The following SYT16 variants were observed in gnomAD, a reference collection of about 807,000 sequenced individuals.
SYT16 encodes synaptotagmin-16.
SYT16 carries 42 observed loss-of-function variants against 61.4 expected under a neutral mutation model. The observed-to-expected ratio is 0.68, with a 90% CI of 0.53 to 0.89. The LOEUF is 0.89. Among genes scored for constraint, SYT16 ranks in the 40% least tolerant of loss-of-function variants. The pLI is 0.00. For missense variants in SYT16, 804 were observed against 807.3 expected, an observed-to-expected ratio of 1.00 and a Z score of 0.05; for synonymous variants, 314 against 302.3, an observed-to-expected ratio of 1.04 and a Z score of -0.40.
Position 61,997,895 on chromosome 14 carries a change from G to C in SYT16, c.523+1353G>C, listed in dbSNP as rs185933031. On this transcript the variant is annotated intron_variant, in intron 3 of 7. Coordinates refer to ENST00000683842, the MANE Select transcript of SYT16 (RefSeq NM_001367656.1). ...CAATTGTGTTCATCTGGCCTTTCCAGAGATGCTTATTCACTAGATTGGAGC... is the reference window on the plus strand; with the variant it reads ...CAATTGTGTTCATCTGGCCTTTCCACAGATGCTTATTCACTAGATTGGAGC... 2.0e-5 allele frequency among the ~76,000 whole-genome samples: 3 copies of C among 152,138 alleles called. No homozygotes were observed. In the East Asian group the frequency reaches 5.8e-4, roughly 29 times the overall value.
In SYT16 at chr14:61,989,698, A is replaced by G. The variant is rs372484696; in HGVS notation, c.-144-6178A>G. Reference sequence around the variant, plus strand: ...TGAGAACATTTAGATGCACTCAGCTAGTATGATTTGCCTTGTGCCATGGAG... The same window carrying G: ...TGAGAACATTTAGATGCACTCAGCTGGTATGATTTGCCTTGTGCCATGGAG... On this transcript the variant is annotated intron_variant, in intron 2 of 7. Transcript: ENST00000683842. 2.3e-4 allele frequency among the ~76,000 whole-genome samples: 35 copies of G among 152,354 alleles called. No homozygotes were observed. The East Asian group carries it at 3.9e-3, about 17-fold the overall frequency.
At chr14:61,937,541 A>T (rs2050030533) in intron 1 of SYT16, among the ~76,000 whole-genome samples, 1 of 152,204 alleles carries the variant, frequency 6.6e-6, no homozygotes, top group African/African-American at 2.4e-5. Flanking sequence ...GCGTTTGCTG[A>T]CAAAGTCTCT....
At chr14:61,976,757 G>T (rs908024309) in intron 2 of SYT16, among the ~76,000 whole-genome samples, 1 of 152,152 alleles carries the variant, frequency 6.6e-6, no homozygotes, top group Non-Finnish European at 1.5e-5. Context: ...GGGCTGCCAT[G>T]AGGACCTCTG....
Position 62,000,692 on chromosome 14 carries a change from C to T in SYT16, c.523+4150C>T, listed in dbSNP as rs1411725889. Reference sequence around the variant, plus strand: ...TTTCATTATATATCCACTCTGGGCTCATGTTAAAAAAAGGCTTAATGGTCA... The same window carrying T: ...TTTCATTATATATCCACTCTGGGCTTATGTTAAAAAAAGGCTTAATGGTCA... On this transcript the variant is annotated intron_variant, in intron 3 of 7. Coordinates refer to ENST00000683842, the MANE Select transcript of SYT16 (RefSeq NM_001367656.1). Among the ~76,000 whole-genome samples, 5 of 151,954 alleles carry T rather than the reference C, an allele frequency of 3.3e-5. No individual in the cohort carries two copies. In the East Asian group the frequency reaches 7.7e-4, roughly 24 times the overall value.
At chr14:61,906,045 G>A (rs1035751067) in intron 1 of SYT16, among the ~76,000 whole-genome samples, 3 of 152,088 alleles carry the variant, frequency 2.0e-5, no homozygotes, top group Non-Finnish European at 4.4e-5. Context: ...GTGAGCCACC[G>A]CGCCCAGCCA....
intron 3 of SYT16, among the ~76,000 whole-genome samples, chr14:62,035,358 A>C (rs978152258): frequency 1.3e-5 from 2 of 152,134 alleles, no homozygotes; most frequent in African/African-American, 4.8e-5. Context: ...CTTTGTCCTA[A>C]TTATTTGGTC....
At chr14:61,860,032 A>G (rs1351782456) in intron 1 of SYT16, among the ~76,000 whole-genome samples, 2 of 152,234 alleles carry the variant, frequency 1.3e-5, no homozygotes, top group East Asian at 1.9e-4. Context: ...AGAAATAAAC[A>G]GTACCCTTCT....
intron 1 of SYT16, among the ~76,000 whole-genome samples, chr14:61,863,359 A>G (rs1432322775): frequency 2.0e-5 from 3 of 152,184 alleles, no homozygotes; most frequent in African/African-American, 7.2e-5. Flanking sequence ...TTCCCTGACA[A>G]CATATAATCT....
intron 1 of SYT16, among the ~76,000 whole-genome samples, chr14:61,845,940 G>A (rs2046435573): frequency 6.6e-6 from 1 of 152,144 alleles, no homozygotes; most frequent in Non-Finnish European, 1.5e-5. Context: ...AGACCCATTG[G>A]TCATTCAGGA....
intron 3 of SYT16, among the ~76,000 whole-genome samples, chr14:62,009,365 T>C (rs1464802108): frequency 2.6e-5 from 4 of 152,226 alleles, no homozygotes; most frequent in Non-Finnish European, 5.9e-5. Context: ...GAATTTTATC[T>C]GTCTTACTCT....
intron 2 of SYT16, among the ~76,000 whole-genome samples, chr14:61,986,635 T>G (rs1284336595): frequency 1.3e-5 from 2 of 152,046 alleles, no homozygotes; most frequent in Admixed American, 1.3e-4. Flanking sequence ...CGGTGTGTGA[T>G]GTTCCCCTTC....
chr14:61,863,492 C>T (rs2140292041), intron 1 of SYT16, among the ~76,000 whole-genome samples: 1 of 152,226 alleles, frequency 6.6e-6, no homozygotes, highest in Middle Eastern at 3.4e-3. Context: ...TTTAAGAGTT[C>T]TTTGTATATT....
At chr14:62,003,070 G>A (rs1227511089) in intron 3 of SYT16, among the ~76,000 whole-genome samples, 1 of 151,994 alleles carries the variant, frequency 6.6e-6, no homozygotes, top group Non-Finnish European at 1.5e-5. Flanking sequence ...CCACATGTGG[G>A]GATTATGGGA....
rs911941839 is a variant in SYT16 at position 62,109,057 on chromosome 14, T to G, written c.*8350T>G. 3.3e-5 allele frequency: 5 copies of G among 152,220 alleles called. No individual in the cohort carries two copies. Among genetic ancestry groups the G allele is most frequent in the African/African-American group, 1.2e-4 (5 of 41,458 alleles). 9.4% of individuals were successfully genotyped at this position (152,220 alleles called of 1,614,324 possible). ...TATCACCCAAAGTGCATAGTTCATA[T>G]TAAGGTTCACTCTTGGTGTTGTGTA... On this transcript the variant is annotated 3_prime_UTR_variant, in exon 8 of 8. Transcript: ENST00000683842.
chr14:61,992,846 A>G (rs1258832281), intron 2 of SYT16, among the ~76,000 whole-genome samples: 2 of 152,148 alleles, frequency 1.3e-5, no homozygotes, highest in African/African-American at 4.8e-5. Flanking sequence ...AAAAAACGCT[A>G]TATCAACAAA....
At chr14:61,938,961 C>T (rs571252715) in intron 1 of SYT16, among the ~76,000 whole-genome samples, 4 of 152,234 alleles carry the variant, frequency 2.6e-5, no homozygotes, top group South Asian at 4.2e-4. Context: ...ATGGTGAAAC[C>T]TCGTCTCTAC....
At chr14:62,037,776 C>A (rs78593654) in intron 3 of SYT16, among the ~76,000 whole-genome samples, 1 of 152,270 alleles carries the variant, frequency 6.6e-6, no homozygotes, top group East Asian at 1.9e-4. Flanking sequence ...ATGGACTTGG[C>A]ATGTCTAAGC....
At chr14:61,960,003 T>C (rs1173813592) in intron 1 of SYT16, among the ~76,000 whole-genome samples, 2 of 152,124 alleles carry the variant, frequency 1.3e-5, no homozygotes, top group African/African-American at 4.8e-5. Flanking sequence ...GCCTGACTTT[T>C]AAATTTTTTG....
chr14:61,939,051 C>T (rs1322243319), intron 1 of SYT16, among the ~76,000 whole-genome samples: 1 of 152,184 alleles, frequency 6.6e-6, no homozygotes, highest in East Asian at 1.9e-4. Context: ...AGGAGAATTG[C>T]TTGAACCCAG....
Sources: allele counts gnomAD v4.1 joint callset (sites outside exome capture counted in the v4.1 genomes callset), GRCh38; gene constraint gnomAD v4.1.1; transcripts MANE v1.5; gene names NCBI Gene and HGNC (gene_info 2026-07-23, HGNC 2026-07-21).